Variants in PPFIA2 observed in about 807,000 individuals in gnomAD.
PPFIA2 encodes the protein PPFI scaffold protein A2.
Under a neutral mutation model 175.5 loss-of-function variants are expected in PPFIA2, and 46 were observed. That is an observed-to-expected ratio of 0.26 (90% CI 0.21 to 0.34). The LOEUF is 0.34. Ranked by LOEUF, PPFIA2 falls within the 10% of genes least tolerant of loss-of-function variation. The pLI is 1.00. For synonymous variants in PPFIA2, 568 were observed against 511.4 expected (o/e 1.11, Z -1.49); for missense variants, 1,179 against 1,506.1 (o/e 0.78, Z 3.60).
intron 9 of PPFIA2, 113 bp downstream of exon 9, chr12:81,383,910 A>C (rs1048229361): frequency 5.0e-6 from 4 of 807,354 alleles, no homozygotes; most frequent in Admixed American, 3.0e-5. Flanking sequence ...TGCATGCCAA[A>C]GTATGGTCTT....
In PPFIA2 at chr12:81,465,474, A is replaced by G. The variant is rs189903775; in HGVS notation, c.304-7608T>C. 5.3e-4 allele frequency among the ~76,000 whole-genome samples: 81 copies of G among 152,288 alleles called. 1 individual carries two copies. The highest frequency in any genetic ancestry group is 1.9e-3 in the African/African-American group (80 of 41,578). On this transcript the variant is annotated intron_variant, in intron 4 of 32. Coordinates refer to ENST00000549396, the MANE Select transcript of PPFIA2 (RefSeq NM_003625.5). ...GCTGATTTGACCATCTAGCATTTCA[A>G]TTAGACAAAATTAACTGCTTCAAAA...
intron 7 of PPFIA2, among the ~76,000 whole-genome samples, chr12:81,420,439 G>A (rs142518153): frequency 1.0e-3 from 157 of 151,698 alleles, no homozygotes; most frequent in African/African-American, 3.6e-3. Context: ...ATAATCAGCA[G>A]AACAATACAT....
In PPFIA2 at chr12:81,418,299, G is replaced by GT. The variant is rs560855387; in HGVS notation, c.646-12397dup. On this transcript the variant is annotated intron_variant, in intron 7 of 32. Coordinates refer to ENST00000549396, the MANE Select transcript of PPFIA2 (RefSeq NM_003625.5). ...AGTAAATACTCTATTTAGAATAAAGGTTTTTTTATTTACCACTTTTCCTTA... is the reference window on the plus strand; with the variant it reads ...AGTAAATACTCTATTTAGAATAAAGGTTTTTTTTATTTACCACTTTTCCTTA... 2.8e-3 allele frequency among the ~76,000 whole-genome samples: 427 copies of GT among 151,764 alleles called. 1 individual carries two copies. The highest frequency in any genetic ancestry group is 9.3e-3 in the African/African-American group (386 of 41,476).
chr12:81,681,248 C>T (rs1294945884), intron 3 of PPFIA2, among the ~76,000 whole-genome samples: 1 of 151,982 alleles, frequency 6.6e-6, no homozygotes, highest in African/African-American at 2.4e-5. Flanking sequence ...AACTTCATTT[C>T]TTAAACATCA....
intron 3 of PPFIA2, among the ~76,000 whole-genome samples, chr12:81,688,524 T>A (rs1013481387): frequency 2.0e-5 from 3 of 151,498 alleles, no homozygotes; most frequent in Non-Finnish European, 4.4e-5. Flanking sequence ...ACTAGAAAAA[T>A]ATAATACCAC....
intron 22 of PPFIA2, among the ~76,000 whole-genome samples, 163 bp downstream of exon 22, chr12:81,325,614 T>C (rs1266239073): frequency 6.6e-6 from 1 of 152,142 alleles, no homozygotes; most frequent in Non-Finnish European, 1.5e-5. Context: ...CAGTAGCTCA[T>C]TATAACCAGG....
intron 4 of PPFIA2, among the ~76,000 whole-genome samples, chr12:81,526,705 T>C (rs935757667): frequency 6.6e-6 from 1 of 152,228 alleles, no homozygotes; most frequent in African/African-American, 2.4e-5. Flanking sequence ...TATGACTTTT[T>C]AGATTAATGT....
At position 81,591,284 on chromosome 12, in the gene PPFIA2, C is replaced by T. The variant is rs184758634; in HGVS notation, c.303+85507G>A. Among the ~76,000 whole-genome samples, 16 of 152,236 alleles carry T rather than the reference C, an allele frequency of 1.1e-4. No individual in the cohort carries two copies. In the East Asian group the frequency reaches 3.1e-3, roughly 29 times the overall value. The stretch of plus-strand genomic sequence containing the variant: ...AAGCAGCAAAACATTCAAGAGGTGA[C>T]TTGGGTGTTGTTAAAGGCACTTAGT... On this transcript the variant is annotated intron_variant, in intron 4 of 32. Transcript: ENST00000549396.
At chr12:81,506,375 G>C (rs549008402) in intron 4 of PPFIA2, among the ~76,000 whole-genome samples, 5 of 152,138 alleles carry the variant, frequency 3.3e-5, no homozygotes, top group Non-Finnish European at 7.3e-5. Flanking sequence ...CTTATGTTTA[G>C]ATAGCACTTT....
intron 4 of PPFIA2, among the ~76,000 whole-genome samples, chr12:81,600,422 T>C (rs1486737569): frequency 6.6e-6 from 1 of 151,966 alleles, no homozygotes; most frequent in Admixed American, 6.6e-5. Flanking sequence ...GATTATTTTT[T>C]TAAAATGGTT....
chr12:81,421,504 G>A (rs900470880), intron 7 of PPFIA2, among the ~76,000 whole-genome samples: 2 of 151,592 alleles, frequency 1.3e-5, no homozygotes, highest in African/African-American at 4.8e-5. Context: ...TGAAAGCTTT[G>A]AGCTAACCAC....
intron 7 of PPFIA2, among the ~76,000 whole-genome samples, chr12:81,409,276 G>C (rs1174642066): frequency 2.0e-5 from 3 of 152,144 alleles, no homozygotes; most frequent in African/African-American, 7.2e-5. Context: ...AGGTCTGGAT[G>C]CCTCACCACT....
chr12:81,514,437 T>C (rs979167111), intron 4 of PPFIA2, among the ~76,000 whole-genome samples: 13 of 151,998 alleles, frequency 8.6e-5, no homozygotes, highest in African/African-American at 3.1e-4. Context: ...TTTTCTTCTG[T>C]AATCATCTGA....
chr12:81,405,470 T>C (rs1216242666), intron 8 of PPFIA2, among the ~76,000 whole-genome samples: 1 of 151,756 alleles, frequency 6.6e-6, no homozygotes, highest in Non-Finnish European at 1.5e-5. Context: ...TGTATATATG[T>C]ACTTTAAATT....
At chr12:81,476,769 T>C (rs1015276841) in intron 4 of PPFIA2, among the ~76,000 whole-genome samples, 5 of 152,164 alleles carry the variant, frequency 3.3e-5, no homozygotes, top group South Asian at 2.1e-4. Context: ...CAAGTGTTCA[T>C]TGCAGCAGTA....
At chr12:81,386,537 G>A (rs2039010546) in intron 8 of PPFIA2, among the ~76,000 whole-genome samples, 1 of 151,574 alleles carries the variant, frequency 6.6e-6, no homozygotes, top group Admixed American at 6.6e-5. Context: ...TGGGCGGGTT[G>A]CTTAAGCCCA....
chr12:81,660,672 A>G (rs1487452867), intron 4 of PPFIA2, among the ~76,000 whole-genome samples: 15 of 152,184 alleles, frequency 9.9e-5, no homozygotes, highest in Admixed American at 2.6e-4. Flanking sequence ...GCAGGCCAAC[A>G]TTCAAATTCA....
intron 5 of PPFIA2, among the ~76,000 whole-genome samples, chr12:81,447,850 CTCATA>C (rs1329543834): frequency 6.6e-6 from 1 of 152,102 alleles, no homozygotes; most frequent in Admixed American, 6.5e-5. Context: ...TTTTATATAT[CTCATA>C]CAGATTTGGC....
rs2065299010 is a variant in PPFIA2, at chr12:81,642,721, ATACATACATGTATATGTATGTATG to A, written c.303+34046_303+34069del. On this transcript the variant is annotated intron_variant, in intron 4 of 32. Transcript: ENST00000549396. ...ACATGTATATGTATGTATGTATTAT[ATACATACATGTATATGTATGTATG>A]TATTATATACATACATGTATATGTA... Among the ~76,000 whole-genome samples the A allele has an allele frequency of 1.6e-5, 2 of 122,858 alleles. 1 individual carries two copies. The highest frequency in any genetic ancestry group is 3.4e-5 in the Non-Finnish European group (2 of 59,650). The allele number at this position is 122,858 out of a possible 152,430, so 80.6% of individuals were successfully genotyped here. A position where few individuals can be genotyped will look rare whatever the true frequency, so the allele number is the denominator to read the frequency against.
Sources: gnomAD v4.1 joint callset for allele counts (sites outside exome capture counted in the v4.1 genomes callset) on GRCh38, gnomAD v4.1.1 for gene constraint, MANE v1.5 for transcripts, NCBI Gene and HGNC (gene_info 2026-07-23, HGNC 2026-07-21) for gene names.